The following LRTM3 variants were observed in gnomAD, a reference collection of about 807,000 sequenced individuals.
The protein encoded by LRTM3 is leucine rich repeat transmembrane protein 3.
At chr13:102,755,220 C>T in the LRTM3 span, among the ~76,000 whole-genome samples, 1 of 151,636 alleles carries the variant, frequency 6.6e-6, no homozygotes, top group East Asian at 1.9e-4. Flanking sequence ...TCTCTGCCCC[C>T]CCAGCTACCC....
chr13:102,730,599 A>G, the LRTM3 span: 2 of 1,552,050 alleles, frequency 1.3e-6, no homozygotes, highest in East Asian at 2.4e-5. Flanking sequence ...TCAGAAGCAC[A>G]CACAAGGGTT....
the LRTM3 span, chr13:102,742,098 C>T: frequency 6.4e-7 from 1 of 1,550,436 alleles, no homozygotes; most frequent in Non-Finnish European, 8.7e-7. Flanking sequence ...ATTTTTACTT[C>T]TGTAAGCTTT....
the LRTM3 span, among the ~76,000 whole-genome samples, chr13:102,753,401 G>GGTT: frequency 6.6e-6 from 1 of 151,704 alleles, no homozygotes; most frequent in South Asian, 2.1e-4. Context: ...CTAGATGACG[G>GGTT]GTTGATAGGT....
At chr13:102,750,364 T>G in the LRTM3 span, 1 of 1,510,556 alleles carries the variant, frequency 6.6e-7, no homozygotes, top group East Asian at 2.5e-5. Flanking sequence ...ATGAAGTAAT[T>G]CTTTTTTCTA....
At chr13:102,743,423 T>G in the LRTM3 span, 6 of 1,550,642 alleles carry the variant, frequency 3.9e-6, no homozygotes, top group Non-Finnish European at 5.2e-6. Flanking sequence ...CAGTTTGGTT[T>G]TTAAATTGGA....
At chr13:102,736,711 A>C in the LRTM3 span, 1 of 1,550,404 alleles carries the variant, frequency 6.4e-7, no homozygotes, top group South Asian at 1.2e-5. Flanking sequence ...TTTTTAGTAT[A>C]TGGGAAAGGG....
chr13:102,746,332 G>A, the LRTM3 span: 34 of 1,550,698 alleles, frequency 2.2e-5, no homozygotes, highest in Non-Finnish European at 2.8e-5. Flanking sequence ...TTTCCTCTCT[G>A]TCATGGGATA....
chr13:102,757,577 C>T, the LRTM3 span, among the ~76,000 whole-genome samples: 1 of 152,208 alleles, frequency 6.6e-6, no homozygotes, highest in Non-Finnish European at 1.5e-5. Context: ...TAATTTCTTG[C>T]ACATTGCTGC....
the LRTM3 span, chr13:102,739,494 T>G: frequency 3.2e-6 from 5 of 1,550,226 alleles, no homozygotes; most frequent in Non-Finnish European, 4.4e-6. Flanking sequence ...GAATTTGAAT[T>G]ACTATGTGAT....
At chr13:102,730,540 C>T in the LRTM3 span, 1 of 1,551,702 alleles carries the variant, frequency 6.4e-7, no homozygotes, top group Non-Finnish European at 8.7e-7. Context: ...GGAATTCTGA[C>T]TCTGAAAGAA....
the LRTM3 span, chr13:102,744,763 G>A: frequency 8.4e-6 from 13 of 1,550,400 alleles, no homozygotes; most frequent in Non-Finnish European, 1.1e-5. Context: ...GTACATTCAT[G>A]TTCATTGCAT....
the LRTM3 span, chr13:102,738,255 C>T: frequency 5.3e-5 from 82 of 1,550,646 alleles, no homozygotes; most frequent in African/African-American, 1.0e-3. Flanking sequence ...TAATCTTTTG[C>T]TTTTTGTACT....
chr13:102,737,506 C>G, the LRTM3 span: 2 of 1,550,432 alleles, frequency 1.3e-6, no homozygotes, highest in Admixed American at 2.0e-5. Flanking sequence ...CATCCCTGTT[C>G]CCTTGCTCCT....
At chr13:102,739,386 C>T in the LRTM3 span, 3 of 1,550,388 alleles carry the variant, frequency 1.9e-6, no homozygotes, top group Non-Finnish European at 1.7e-6. Flanking sequence ...ATTGACTCTG[C>T]AGATGATACT....
At chr13:102,753,161 G>T in the LRTM3 span, among the ~76,000 whole-genome samples, 1 of 152,194 alleles carries the variant, frequency 6.6e-6, no homozygotes, top group Non-Finnish European at 1.5e-5. Flanking sequence ...ATGAGTTAAT[G>T]CCCTTTGCAG....
At chr13:102,738,887 G>T in the LRTM3 span, 3 of 1,550,500 alleles carry the variant, frequency 1.9e-6, no homozygotes, top group East Asian at 2.4e-5. Context: ...CACCTCCAAA[G>T]CTATTCTTTT....
the LRTM3 span, chr13:102,741,445 T>G: frequency 1.3e-6 from 2 of 1,550,158 alleles, no homozygotes; most frequent in East Asian, 2.4e-5. Flanking sequence ...GAAATTTCTG[T>G]CCTTTAGAAC....
At chr13:102,750,302 G>A in the LRTM3 span, 4 of 1,546,210 alleles carry the variant, frequency 2.6e-6, no homozygotes, top group Non-Finnish European at 3.5e-6. Flanking sequence ...TATTTCACGT[G>A]AGAATAAAAT....
the LRTM3 span, among the ~76,000 whole-genome samples, chr13:102,755,931 GTATATATATACATATA>G: frequency 2.5e-4 from 29 of 115,462 alleles, no homozygotes; most frequent in African/African-American, 5.0e-4. Flanking sequence ...GTGTGTGTGT[GTATATATATACATATA>G]TATATATATA....
Sources: allele counts gnomAD v4.1 joint callset (sites outside exome capture counted in the v4.1 genomes callset), GRCh38; gene constraint gnomAD v4.1.1; transcripts MANE v1.5; gene names NCBI Gene and HGNC (gene_info 2026-07-23, HGNC 2026-07-21).